CNTRL: variants seen among roughly 807,000 people sequenced by gnomAD.
CNTRL encodes 110 kDa centrosomal protein.
Under a neutral mutation model 303.7 loss-of-function variants are expected in CNTRL, and 233 were observed. The observed-to-expected ratio is 0.77, with a 90% CI of 0.69 to 0.86. CNTRL has a LOEUF of 0.86. Ranked by LOEUF, CNTRL falls within the 40% of genes least tolerant of loss-of-function variation. The pLI, the probability that CNTRL is intolerant of heterozygous loss-of-function variation, is 0.00. For synonymous variants in CNTRL, 900 were observed against 922.2 expected, an observed-to-expected ratio of 0.98 and a Z score of 0.44; for missense variants, 2,524 against 2,650.6, an observed-to-expected ratio of 0.95 and a Z score of 1.05.
At chr9:121,169,165 A>G (rs1588333263) in intron 38 of CNTRL, among the ~76,000 whole-genome samples, 2 of 152,354 alleles carry the variant, frequency 1.3e-5, no homozygotes, top group East Asian at 3.9e-4. Context: ...TTCCTCTTCT[A>G]TAAAATGGGG....
At chr9:121,093,819 GGA>G (rs755249157) in intron 4 of CNTRL, among the ~76,000 whole-genome samples, 54 of 152,216 alleles carry the variant, frequency 3.5e-4, no homozygotes, top group Non-Finnish European at 6.5e-4. Flanking sequence ...GGAAGATCCA[GGA>G]GGGAGAAAGA....
At position 121,140,783 on chromosome 9, in the gene CNTRL, T is replaced by G. The variant is rs1310523717; in HGVS notation, c.2480T>G (p.Met827Arg). The G allele has an allele frequency of 4.3e-6, 7 of 1,610,560 alleles. No individual in the cohort carries two copies. Among genetic ancestry groups the G allele is most frequent in the Non-Finnish European group, 5.9e-6 (7 of 1,177,816 alleles). ...AAACTGAAATTAGGAACTGGGGAAA[T>G]GAAGTAAGGAAAAAGCAAGACCTCC... ...RRKLKLGTGE[M>R]NIHSPSDVLG... is the part of the protein sequence containing the mutation. Residue 827 changes from methionine to arginine, a missense_variant, in exon 17 of 44, where the codon ATG (methionine) becomes AGG (arginine). By Grantham distance (91) the Met-to-Arg change is moderately conservative. Coordinates refer to ENST00000373855, the MANE Select transcript of CNTRL (RefSeq NM_007018.6).
chr9:121,153,014 A>G (rs1280141119), intron 26 of CNTRL, among the ~76,000 whole-genome samples: 9 of 152,104 alleles, frequency 5.9e-5, no homozygotes, highest in Admixed American at 5.9e-4. Context: ...CAGTTACCCT[A>G]GCTAAAAATA....
intron 14 of CNTRL, among the ~76,000 whole-genome samples, chr9:121,134,300 T>A (rs895729826): frequency 2.6e-5 from 4 of 151,684 alleles, no homozygotes; most frequent in African/African-American, 7.3e-5. Context: ...ATTATTTTTT[T>A]TTTTTTTTGA....
At chr9:121,162,325 A>G in intron 34 of CNTRL, 54 bp downstream of exon 34, 3 of 1,450,946 alleles carry the variant, frequency 2.1e-6, no homozygotes, top group Non-Finnish European at 2.9e-6. Context: ...CCAAAGCATT[A>G]TAAACACACT....
chr9:121,115,300 CTAGT>C (rs2049929182), intron 11 of CNTRL, 100 bp downstream of exon 11: 1 of 569,654 alleles, frequency 1.8e-6, no homozygotes, highest in Non-Finnish European at 3.0e-6. Flanking sequence ...AGTTAGCTGC[CTAGT>C]TAATTATGGA....
chr9:121,123,926 T>A lies in CNTRL; in HGVS notation c.1651-5T>A. ...GAGTTTTGTTGATTTTTTTTTTTAA[T>A]TCAGTCCCATATGAAGGCTCAAAAG... On this transcript the variant is annotated splice_polypyrimidine_tract_variant and splice_region_variant and intron_variant, in intron 12 of 43. Transcript: ENST00000373855. The A allele has an allele frequency of 6.4e-7, 1 of 1,563,856 alleles. No homozygotes were observed. Among genetic ancestry groups the A allele is most frequent in the Non-Finnish European group, 8.6e-7 (1 of 1,161,562 alleles).
chr9:121,141,667 T>C (rs74994930), intron 18 of CNTRL, 79 bp downstream of exon 18: 29 of 1,273,394 alleles, frequency 2.3e-5, no homozygotes, highest in Non-Finnish European at 3.2e-5. Context: ...AATGCTTCCT[T>C]TGTCATGTAA....
At chr9:121,172,486 CA>C (rs1168094013) in intron 40 of CNTRL, among the ~76,000 whole-genome samples, 1 of 151,992 alleles carries the variant, frequency 6.6e-6, no homozygotes, top group Non-Finnish European at 1.5e-5. Context: ...ACTAAAAATA[CA>C]AAAAGTAGCT....
rs749421465 is a variant in CNTRL at position 121,168,204 on chromosome 9, C to A, written c.5953C>A (p.Gln1985Lys). 1 of 1,614,110 alleles carries A rather than the reference C, an allele frequency of 6.2e-7. No individual in the cohort carries two copies. The change falls in exon 38 of 44, where the codon CAG becomes AAG. Residue 1985 changes from glutamine to lysine, a missense_variant. Gln to Lys is a moderately conservative substitution (Grantham distance 53, BLOSUM62 1). Transcript: ENST00000373855. ...QHQLEKELTDQKSKLDQVLSK... is the reference protein window; with the variant it reads ...QHQLEKELTDKKSKLDQVLSK... ...CCAGCTGGAAAAGGAATTAACAGAC[C>A]AGAAAAGCAAACTGGACCAAGTGCT... is the stretch of plus-strand genomic sequence containing the variant.
chr9:121,119,967 C>T (rs1407005043), intron 12 of CNTRL, among the ~76,000 whole-genome samples: 2 of 152,130 alleles, frequency 1.3e-5, no homozygotes, highest in Non-Finnish European at 2.9e-5. Flanking sequence ...TGAGATATGG[C>T]TAGATATGGT....
At chr9:121,121,502 C>T (rs2050220885) in intron 12 of CNTRL, among the ~76,000 whole-genome samples, 1 of 152,220 alleles carries the variant, frequency 6.6e-6, no homozygotes, top group Non-Finnish European at 1.5e-5. Flanking sequence ...TTCAAATTCA[C>T]AGACTATTTT....
At chr9:121,136,094 A>G (rs922000719) in intron 15 of CNTRL, 112 bp downstream of exon 15, 10 of 980,198 alleles carry the variant, frequency 1.0e-5, no homozygotes, top group Middle Eastern at 2.3e-4. Flanking sequence ...TACAATATAT[A>G]TGGAGTGATG....
In CNTRL at chr9:121,141,926, A is replaced by G. The variant is rs568051523; in HGVS notation, c.2692-165A>G. On this transcript the variant is annotated intron_variant, in intron 18 of 43. Transcript: ENST00000373855. ...TTTTAATGAAGAGGCAAACATTCCA[A>G]TGACTCCTAGAGATCGTTCAAGATA... 6.6e-5 allele frequency among the ~76,000 whole-genome samples: 10 copies of G among 152,362 alleles called. 1 individual carries two copies. In the East Asian group the frequency reaches 1.9e-3, roughly 29 times the overall value.
At chr9:121,150,678 G>A (rs1011757060) in intron 25 of CNTRL, 195 bp downstream of exon 25, 3 of 590,536 alleles carry the variant, frequency 5.1e-6, no homozygotes, top group South Asian at 2.2e-5. Flanking sequence ...CCTATAATCC[G>A]AGCTACTCAG....
chr9:121,145,960 T>C, intron 22 of CNTRL, 148 bp from the exon 23 acceptor site: 1 of 610,250 alleles, frequency 1.6e-6, no homozygotes, highest in Non-Finnish European at 2.8e-6. Context: ...CAAATCAGTT[T>C]GCCTTTTTTT....
intron 38 of CNTRL, 48 bp from the exon 39 acceptor site, chr9:121,169,563 A>G (rs775240055): frequency 1.3e-6 from 2 of 1,588,468 alleles, no homozygotes; most frequent in East Asian, 4.5e-5. Flanking sequence ...CTCTGCCCAC[A>G]GCTGGCTCGG....
chr9:121,140,041 C>T lies in CNTRL; in HGVS notation c.2338-600C>T, dbSNP rs2051414772. On this transcript the variant is annotated intron_variant, in intron 16 of 43. Transcript: ENST00000373855. ...GTCTTTGTCAGAAATCATTTAGTTG[C>T]AATGAACCAAAACCTACTCACACTA... 5.3e-5 allele frequency among the ~76,000 whole-genome samples: 8 copies of T among 152,208 alleles called. No individual in the cohort carries two copies. In the South Asian group the frequency reaches 1.7e-3, roughly 32 times the overall value.
At chr9:121,151,803 T>C (rs2052279118) in intron 25 of CNTRL, among the ~76,000 whole-genome samples, 1 of 152,174 alleles carries the variant, frequency 6.6e-6, no homozygotes, top group African/African-American at 2.4e-5. Flanking sequence ...GCAGATTGAG[T>C]GGAAGATAAA....
Sources: gnomAD v4.1 joint callset for allele counts (sites outside exome capture counted in the v4.1 genomes callset) on GRCh38, gnomAD v4.1.1 for gene constraint, MANE v1.5 for transcripts, NCBI Gene and HGNC (gene_info 2026-07-23, HGNC 2026-07-21) for gene names.